The following RAF1 variants were observed in gnomAD, a reference collection of about 807,000 sequenced individuals.
RAF1 encodes the protein RAF proto-oncogene serine/threonine-protein kinase.
RAF1 carries 27 observed loss-of-function variants against 81.1 expected under a neutral mutation model. That is an observed-to-expected ratio of 0.33 (90% CI 0.25 to 0.46). The LOEUF is 0.46. RAF1 is among the 20% of genes least tolerant of loss of function. RAF1 has a pLI of 1.00. For missense variants in RAF1, 598 were observed against 826.0 expected, an observed-to-expected ratio of 0.72 and a Z score of 3.38; for synonymous variants, 298 against 294.0, an observed-to-expected ratio of 1.01 and a Z score of -0.14.
intron 1 of RAF1, among the ~76,000 whole-genome samples, chr3:12,658,325 G>A (rs1442755847): frequency 6.6e-6 from 1 of 152,208 alleles, no homozygotes; most frequent in East Asian, 1.9e-4. Context: ...TGTGAGGGCT[G>A]GGCGTGGTGG....
chr3:12,620,830 G>A (rs2125460817), intron 1 of RAF1, among the ~76,000 whole-genome samples: 1 of 152,180 alleles, frequency 6.6e-6, no homozygotes, highest in South Asian at 2.1e-4. Flanking sequence ...CCAGCAGTGG[G>A]TAAAATAACC....
chr3:12,625,372 T>C (rs2059673483), intron 1 of RAF1, among the ~76,000 whole-genome samples: 1 of 152,224 alleles, frequency 6.6e-6, no homozygotes, highest in Non-Finnish European at 1.5e-5. Context: ...CATGAGCTAC[T>C]GTGCCCAGAC....
chr3:12,655,443 G>A (rs2060662074), intron 1 of RAF1, among the ~76,000 whole-genome samples: 1 of 152,192 alleles, frequency 6.6e-6, no homozygotes, highest in African/African-American at 2.4e-5. Flanking sequence ...GAAAAGATGT[G>A]GCAAAACTGG....
intron 1 of RAF1, among the ~76,000 whole-genome samples, chr3:12,654,483 T>C (rs1426183172): frequency 6.6e-6 from 1 of 151,548 alleles, no homozygotes; most frequent in Non-Finnish European, 1.5e-5. Context: ...ACACCTGTAG[T>C]CCCAGCTACT....
chr3:12,663,247 A>G (rs1055678031), intron 1 of RAF1, among the ~76,000 whole-genome samples: 1 of 152,196 alleles, frequency 6.6e-6, no homozygotes, highest in Admixed American at 6.5e-5. Flanking sequence ...CCAATCCTCT[A>G]TAAGTATCCC....
intron 1 of RAF1, among the ~76,000 whole-genome samples, chr3:12,635,314 G>A (rs1190862410): frequency 1.1e-5 from 1 of 93,250 alleles, no homozygotes; most frequent in Non-Finnish European, 2.1e-5. Flanking sequence ...GGGAGACCCT[G>A]TCTCAAAAAA....
At chr3:12,587,419 G>C in intron 14 of RAF1, 172 bp downstream of exon 13, 1 of 715,002 alleles carries the variant, frequency 1.4e-6, no homozygotes, top group Non-Finnish European at 2.5e-6. Context: ...ATAAGCTGCT[G>C]AGGGACAGGC....
chr3:12,597,032 G>A (rs917053776), intron 11 of RAF1, among the ~76,000 whole-genome samples: 2 of 152,010 alleles, frequency 1.3e-5, no homozygotes, highest in Middle Eastern at 3.4e-3. Context: ...CAAAGTAGCT[G>A]GGACTACAGG....
In RAF1 at chr3:12,619,712, GA is replaced by G. The variant is rs1575602695; in HGVS notation, c.-26-966del. ...CACATTAGTACTATGAGAAATACCT[GA>G]AAAAAAGTGTAAGCCATAATTTATG... is the stretch of plus-strand genomic sequence containing the variant. On this transcript the variant is annotated intron_variant, in intron 1 of 17. Coordinates refer to ENST00000442415, the MANE Select transcript of RAF1 (RefSeq NM_001354689.3). Among the ~76,000 whole-genome samples the G allele has an allele frequency of 5.9e-5, 9 of 151,896 alleles. No individual in the cohort carries two copies. In the South Asian group the frequency reaches 1.9e-3, roughly 32 times the overall value.
chr3:12,614,000 T>C (rs2059296689), intron 2 of RAF1, among the ~76,000 whole-genome samples: 1 of 152,208 alleles, frequency 6.6e-6, no homozygotes, highest in Non-Finnish European at 1.5e-5. Context: ...AAAAGTTCCT[T>C]TGGAGTTTGT....
At chr3:12,591,064 G>A (rs2058500880) in intron 12 of RAF1, 90 bp from the exon 12 acceptor site, 1 of 1,246,000 alleles carries the variant, frequency 8.0e-7, no homozygotes, top group East Asian at 2.4e-5. Flanking sequence ...GTTCTGTGCT[G>A]TCGACACCAC....
chr3:12,653,097 C>T (rs1464999251), intron 1 of RAF1, among the ~76,000 whole-genome samples: 2 of 151,988 alleles, frequency 1.3e-5, no homozygotes, highest in Non-Finnish European at 2.9e-5. Flanking sequence ...CCCTGGGCAA[C>T]AGGGTGAAAC....
rs188786751 is a variant in RAF1, at chr3:12,641,297, C to T, written c.-27+22516G>A. ...TTAACTAGTTAACTGGTGCAGCACA[C>T]CAACATGGCACATGTATACATATGT... On this transcript the variant is annotated intron_variant, in intron 1 of 17. Coordinates refer to ENST00000442415, the MANE Select transcript of RAF1 (RefSeq NM_001354689.3). 6.9e-3 allele frequency among the ~76,000 whole-genome samples: 1,048 copies of T among 151,256 alleles called. 6 individuals carry two copies. Among genetic ancestry groups the T allele is most frequent in the African/African-American group, 0.024 (988 of 41,164 alleles).
At chr3:12,587,094 G>A (rs1222736210) in intron 14 of RAF1, 1 of 156,434 alleles carries the variant, frequency 6.4e-6, no homozygotes, top group Non-Finnish European at 1.4e-5. Context: ...GCCTCCCAAA[G>A]TGCTGGGATT....
At chr3:12,599,986 A>G (rs927711271) in intron 10 of RAF1, among the ~76,000 whole-genome samples, 166 bp downstream of exon 9, 1 of 152,202 alleles carries the variant, frequency 6.6e-6, no homozygotes, top group African/African-American at 2.4e-5. Flanking sequence ...GCACTGGCAA[A>G]CTGTCTGATG....
rs762732483 is a variant in RAF1 at position 12,600,371 on chromosome 3, T to C, written c.922+17A>G. ...AAAAAGCCCATTATTGTTGGCTAAA[T>C]GACTATGGAAAAGTACCTGATTCGC... On this transcript the variant is annotated intron_variant, in intron 9 of 17. Transcript: ENST00000442415. The C allele has an allele frequency of 3.1e-6, 5 of 1,614,122 alleles. No individual in the cohort carries two copies. Among genetic ancestry groups the C allele is most frequent in the Non-Finnish European group, 4.2e-6 (5 of 1,180,006 alleles).
chr3:12,613,518 A>G (rs1284374094), intron 2 of RAF1, among the ~76,000 whole-genome samples: 5 of 151,926 alleles, frequency 3.3e-5, no homozygotes, highest in Admixed American at 3.3e-4. Flanking sequence ...CAGGGCTGCA[A>G]AAGGCCCAAA....
intron 1 of RAF1, among the ~76,000 whole-genome samples, chr3:12,628,710 A>G (rs1023429266): frequency 4.5e-5 from 6 of 132,872 alleles, no homozygotes; most frequent in African/African-American, 2.8e-5. Context: ...CACTGGCAGT[A>G]ACTTCTATTC....
At chr3:12,657,627 C>T (rs371614578) in intron 1 of RAF1, among the ~76,000 whole-genome samples, 3 of 151,880 alleles carry the variant, frequency 2.0e-5, no homozygotes, top group Non-Finnish European at 4.4e-5. Context: ...CAAAATTAGT[C>T]GGGCATGGTG....
Sources: gnomAD v4.1 joint callset for allele counts (sites outside exome capture counted in the v4.1 genomes callset) on GRCh38, gnomAD v4.1.1 for gene constraint, MANE v1.5 for transcripts, NCBI Gene and HGNC (gene_info 2026-07-23, HGNC 2026-07-21) for gene names.